Variants in PRUNE2 observed in about 807,000 individuals in gnomAD.
PRUNE2 encodes the protein prune homolog 2 with BCH domain, also known as protein prune homolog 2.
A neutral mutation model predicts 252.0 loss-of-function variants in PRUNE2; 164 were observed. The ratio of observed to expected loss-of-function variants is 0.65; its 90% CI spans 0.57 to 0.74. PRUNE2 has a LOEUF of 0.74. PRUNE2 is among the 30% of genes least tolerant of loss of function. The pLI is 0.00. For synonymous variants in PRUNE2, 1,292 were observed against 1,350.2 expected (o/e 0.96, Z 0.94); for missense variants, 3,495 against 3,711.0 (o/e 0.94, Z 1.51).
chr9:76,773,723 C>T (rs1389806462), intron 6 of PRUNE2, among the ~76,000 whole-genome samples: 4 of 152,138 alleles, frequency 2.6e-5, no homozygotes, highest in African/African-American at 4.8e-5. Context: ...GGATTACAGG[C>T]GTGAGCCACC....
At chr9:76,733,890 T>C (rs2135457857) in intron 6 of PRUNE2, among the ~76,000 whole-genome samples, 1 of 152,292 alleles carries the variant, frequency 6.6e-6, no homozygotes, top group African/African-American at 2.4e-5. Flanking sequence ...AAAAGATTTT[T>C]TTTTAAAGCA....
chr9:76,895,877 G>A (rs1970609), intron 1 of PRUNE2, among the ~76,000 whole-genome samples: 27,212 of 151,920 alleles, frequency 0.18, 2,880 homozygotes, highest in African/African-American at 0.29. Flanking sequence ...TCTGCCTCCC[G>A]GGTTCAAGTG....
chr9:76,637,009 G>GTGTGTGTGTGTGTGTA (rs1554779750), intron 14 of PRUNE2, among the ~76,000 whole-genome samples: 4 of 150,402 alleles, frequency 2.7e-5, no homozygotes, highest in African/African-American at 9.8e-5. Context: ...GTGTGTGTGT[G>GTGTGTGTGTGTGTGTA]TATAATTTTA....
rs531084555 is a variant in PRUNE2, at chr9:76,782,485, T to C, written c.756+41147A>G. 2.0e-5 allele frequency among the ~76,000 whole-genome samples: 3 copies of C among 152,316 alleles called. No homozygotes were observed. In the East Asian group the frequency reaches 5.8e-4, roughly 29 times the overall value. On this transcript the variant is annotated intron_variant, in intron 6 of 18. Coordinates refer to ENST00000376718, the MANE Select transcript of PRUNE2 (RefSeq NM_015225.3). ...TGCCACACTTTGTTTATCTGAAACA[T>C]GAAGACAACTACAGCATCTTCTTTA...
intron 9 of PRUNE2, chr9:76,700,379 G>A (rs2045777271): frequency 2.0e-5 from 3 of 152,134 alleles, no homozygotes; most frequent in South Asian, 2.1e-4. Flanking sequence ...CAGATTATGT[G>A]TCAGAAGATG....
At chr9:76,726,428 C>T (rs10746998) in intron 6 of PRUNE2, among the ~76,000 whole-genome samples, 67,122 of 151,984 alleles carry the variant, frequency 0.44, 15,079 homozygotes, top group Admixed American at 0.56. Context: ...CACACATGCA[C>T]ACTCATCAGA....
rs1359604236 is a variant in PRUNE2 at position 76,704,952 on chromosome 9, C to T, written c.7322G>A (p.Gly2441Glu). Reference sequence around the variant, plus strand: ...TCTGTTTTTGGTCTCAGCCTGGTTTCCCTCACTTCTTCGATCAGGAAGTGC... The same window carrying T: ...TCTGTTTTTGGTCTCAGCCTGGTTTTCCTCACTTCTTCGATCAGGAAGTGC... ...LSALPDRRSE[G>E]NQAETKNRLP... The change falls in exon 8 of 19, where the codon GGA becomes GAA. Residue 2441 changes from glycine to glutamate, a missense_variant. By Grantham distance (98) the Gly-to-Glu change is moderately conservative. Transcript: ENST00000376718. 2.5e-6 allele frequency: 4 copies of T among 1,613,022 alleles called. No individual in the cohort carries two copies. The highest frequency in any genetic ancestry group is 2.2e-5 in the East Asian group (1 of 44,840).
At chr9:76,861,242 C>T (rs1011115682) in intron 1 of PRUNE2, among the ~76,000 whole-genome samples, 4 of 152,288 alleles carry the variant, frequency 2.6e-5, no homozygotes, top group South Asian at 2.1e-4. Context: ...GGTAAATAAA[C>T]GAGATGCCTC....
chr9:76,680,294 A>G (rs2043281843), intron 9 of PRUNE2, among the ~76,000 whole-genome samples: 1 of 152,204 alleles, frequency 6.6e-6, no homozygotes, highest in South Asian at 2.1e-4. Context: ...TGCAAATCAA[A>G]ACTACAATGA....
At chr9:76,744,824 C>G (rs190776277) in intron 6 of PRUNE2, among the ~76,000 whole-genome samples, 1 of 152,174 alleles carries the variant, frequency 6.6e-6, no homozygotes, top group East Asian at 1.9e-4. Flanking sequence ...GACTCCATAC[C>G]AGTCTATGTG....
chr9:76,661,444 T>A (rs1439573101), intron 9 of PRUNE2, among the ~76,000 whole-genome samples: 1 of 152,132 alleles, frequency 6.6e-6, no homozygotes, highest in Non-Finnish European at 1.5e-5. Context: ...GGTTTCACCA[T>A]GTTGGCCAGC....
In PRUNE2 at chr9:76,880,672, G is replaced by A. The variant is rs186220081; in HGVS notation, c.36+25256C>T. On this transcript the variant is annotated intron_variant, in intron 1 of 18. Coordinates refer to ENST00000376718, the MANE Select transcript of PRUNE2 (RefSeq NM_015225.3). ...TACTCTGTGATCAAATGGGAAGTACGCATAAAGCATGTCTTTTGCATTTTG... is the reference window on the plus strand; with the variant it reads ...TACTCTGTGATCAAATGGGAAGTACACATAAAGCATGTCTTTTGCATTTTG... Among the ~76,000 whole-genome samples the A allele has an allele frequency of 4.0e-4, 61 of 152,236 alleles. 1 individual carries two copies. The East Asian group carries it at 9.3e-3, about 23-fold the overall frequency.
chr9:76,877,422 G>A (rs2133208936), intron 1 of PRUNE2, among the ~76,000 whole-genome samples: 1 of 152,198 alleles, frequency 6.6e-6, no homozygotes, highest in East Asian at 1.9e-4. Context: ...GAACCCAGGA[G>A]GCGGAGGTTG....
rs2046552608 is a variant in PRUNE2 at position 76,709,442 on chromosome 9, G to A, written c.2832C>T (p.Tyr944=). 1 of 1,613,956 alleles carries A rather than the reference G, an allele frequency of 6.2e-7. No individual in the cohort carries two copies. Among genetic ancestry groups the A allele is most frequent in the African/African-American group, 1.3e-5 (1 of 75,046 alleles). Residue 944 remains tyrosine (Y), a synonymous_variant, in exon 8 of 19, where the codon TAC becomes TAT. Coordinates refer to ENST00000376718, the MANE Select transcript of PRUNE2 (RefSeq NM_015225.3). The part of the protein sequence containing the change: ...LVPWEDSFLS[Y]KCSDYSASNL... ...TGGATGCACTGTAATCAGAACATTT[G>A]TAAGATAAGAAGGAATCTTCCCAAG... is the stretch of plus-strand genomic sequence containing the variant.
At chr9:76,730,354 G>GA (rs1481872215) in intron 6 of PRUNE2, among the ~76,000 whole-genome samples, 1 of 152,146 alleles carries the variant, frequency 6.6e-6, no homozygotes, top group Non-Finnish European at 1.5e-5. Flanking sequence ...CTCACCTGTA[G>GA]AAAAAAGATA....
intron 9 of PRUNE2, among the ~76,000 whole-genome samples, chr9:76,694,109 T>C (rs539557052): frequency 6.6e-6 from 1 of 152,342 alleles, no homozygotes; most frequent in East Asian, 1.9e-4. Context: ...TCCTTCCCCA[T>C]TTGGGAAAGG....
At chr9:76,851,068 CTTCT>C (rs1321950882) in intron 2 of PRUNE2, among the ~76,000 whole-genome samples, 6 of 151,838 alleles carry the variant, frequency 4.0e-5, no homozygotes, top group African/African-American at 7.2e-5. Flanking sequence ...TACACATTCT[CTTCT>C]TTAAGAGTAA....
At chr9:76,713,496 A>C (rs912331425) in intron 7 of PRUNE2, 67 bp downstream of exon 7, 5 of 1,382,066 alleles carry the variant, frequency 3.6e-6, no homozygotes, top group Non-Finnish European at 4.0e-6. Flanking sequence ...TCTGTCTTGC[A>C]CTGTGTGTTC....
intron 18 of PRUNE2, among the ~76,000 whole-genome samples, chr9:76,618,673 C>A (rs1302370637): frequency 6.6e-6 from 1 of 152,196 alleles, no homozygotes; most frequent in Non-Finnish European, 1.5e-5. Context: ...CTGCCAAGGT[C>A]CAAATTCCAG....
Sources: allele counts gnomAD v4.1 joint callset (sites outside exome capture counted in the v4.1 genomes callset), GRCh38; gene constraint gnomAD v4.1.1; transcripts MANE v1.5; gene names NCBI Gene and HGNC (gene_info 2026-07-23, HGNC 2026-07-21).